The following P4HA3 variants were observed in gnomAD, a reference collection of about 807,000 sequenced individuals.
The protein encoded by P4HA3 is prolyl 4-hydroxylase subunit alpha-3.
Under a neutral mutation model 66.7 loss-of-function variants are expected in P4HA3, and 60 were observed. The observed-to-expected ratio is 0.90, with a 90% CI of 0.73 to 1.12. The LOEUF (loss-of-function observed/expected upper bound fraction) is 1.12, where lower values mean the gene tolerates loss of function less well. P4HA3 is among the 50% of genes most tolerant of loss of function. The pLI, the probability that P4HA3 is intolerant of heterozygous loss-of-function variation, is 0.00. For missense variants in P4HA3, 683 were observed against 685.8 expected (o/e 1.00, Z 0.05); for synonymous variants, 263 against 274.6 (o/e 0.96, Z 0.42).
intron 15 of P4HA3, chr11:74,252,411 C>G: frequency 6.6e-6 from 3 of 454,522 alleles, no homozygotes; most frequent in South Asian, 4.7e-5. Flanking sequence ...GCAGGGTTTT[C>G]TACAGTGTTG....
intron 4 of P4HA3, among the ~76,000 whole-genome samples, chr11:74,290,519 C>T (rs1860976466): frequency 6.6e-6 from 1 of 151,390 alleles, no homozygotes; most frequent in South Asian, 2.1e-4. Flanking sequence ...AGTCCTTGCC[C>T]ATGCCTATGT....
intron 4 of P4HA3, among the ~76,000 whole-genome samples, chr11:74,293,026 G>A (rs573034675): frequency 3.3e-5 from 5 of 152,206 alleles, no homozygotes; most frequent in Admixed American, 3.3e-4. Flanking sequence ...TCATTGATCT[G>A]TCTAATGTTG....
intron 9 of P4HA3, among the ~76,000 whole-genome samples, chr11:74,276,141 A>G (rs182049161): frequency 5.9e-5 from 9 of 152,324 alleles, no homozygotes; most frequent in Admixed American, 5.9e-4. Context: ...CAAACACTGG[A>G]AACTGCAAAA....
chr11:74,286,836 A>T (rs1230630186), intron 5 of P4HA3, among the ~76,000 whole-genome samples: 1 of 152,232 alleles, frequency 6.6e-6, no homozygotes, highest in African/African-American at 2.4e-5. Flanking sequence ...TCTAATGGAG[A>T]AAAAGGACAT....
intron 15 of P4HA3, among the ~76,000 whole-genome samples, chr11:74,252,703 G>A (rs1408032770): frequency 6.6e-6 from 1 of 152,140 alleles, no homozygotes; most frequent in African/African-American, 2.4e-5. Flanking sequence ...ACACGGTTTT[G>A]ACAAACAGAA....
chr11:74,261,073 G>A (rs892472154), intron 14 of P4HA3, among the ~76,000 whole-genome samples: 1 of 152,206 alleles, frequency 6.6e-6, no homozygotes, highest in Non-Finnish European at 1.5e-5. Flanking sequence ...GCATTCAGGG[G>A]TTCTTGAGCT....
chr11:74,280,178 G>A (rs1591103179), intron 7 of P4HA3, among the ~76,000 whole-genome samples: 1 of 152,034 alleles, frequency 6.6e-6, no homozygotes, highest in Non-Finnish European at 1.5e-5. Context: ...TTTAGAGACA[G>A]GGTCTTGCTC....
chr11:74,271,471 T>C (rs991336459), intron 10 of P4HA3, among the ~76,000 whole-genome samples: 1 of 151,890 alleles, frequency 6.6e-6, no homozygotes, highest in African/African-American at 2.4e-5. Flanking sequence ...GTAAGAACAG[T>C]GGGAAAGGGA....
At chr11:74,300,418 G>A (rs1476652480) in intron 3 of P4HA3, among the ~76,000 whole-genome samples, 1 of 152,040 alleles carries the variant, frequency 6.6e-6, no homozygotes, top group African/African-American at 2.4e-5. Context: ...ATCACTTGAG[G>A]CCAGGAGTTC....
At chr11:74,255,666 CTG>C (rs1859815010) in intron 15 of P4HA3, among the ~76,000 whole-genome samples, 1 of 152,206 alleles carries the variant, frequency 6.6e-6, no homozygotes, top group African/African-American at 2.4e-5. Context: ...TGTTATGACA[CTG>C]TTACATTGTT....
At chr11:74,286,533 A>G (rs954554560) in intron 5 of P4HA3, 142 bp from the exon 6 acceptor site, 1 of 680,796 alleles carries the variant, frequency 1.5e-6, no homozygotes, top group African/African-American at 1.8e-5. Flanking sequence ...GTCAACACAC[A>G]GGAGGATGCA....
chr11:74,285,683 G>A (rs1860768074), intron 7 of P4HA3, 126 bp downstream of exon 7: 1 of 1,011,876 alleles, frequency 9.9e-7, no homozygotes, highest in Admixed American at 2.3e-5. Context: ...TTATGGAATG[G>A]TTGGCATTCT....
At chr11:74,289,204 TA>T (rs11419151) in intron 4 of P4HA3, 74 bp from the exon 5 acceptor site, 31,723 of 858,928 alleles carry the variant, frequency 0.037, no homozygotes, top group South Asian at 0.044. Context: ...ACCATTAAAT[TA>T]AAAAAAAAAA....
chr11:74,251,945 G>A, intron 15 of P4HA3: 1 of 717,872 alleles, frequency 1.4e-6, no homozygotes, highest in South Asian at 1.4e-5. Flanking sequence ...ATTAAATTGT[G>A]CCTAGTCTCA....
chr11:74,277,037 A>T lies in P4HA3; in HGVS notation c.1283T>A (p.Val428Glu). The change falls in exon 9 of 13, where the codon GTG becomes GAG. Residue 428 changes from valine to glutamate, a missense_variant. Physicochemically the swap from Val to Glu is moderately radical, Grantham distance 121 (BLOSUM62 -2). Transcript: ENST00000331597. The stretch of plus-strand genomic sequence containing the variant: ...GTGTCCTCCGATGCCATAGTTCACC[A>T]CCTGCAGATACTCTGCATAGGGAGG... ...VRPPYAEYLQVVNYGIGGHYE... is the reference protein window; with the variant it reads ...VRPPYAEYLQEVNYGIGGHYE... The T allele has an allele frequency of 2.5e-6, 4 of 1,614,034 alleles. No individual in the cohort carries two copies. Among genetic ancestry groups the T allele is most frequent in the Non-Finnish European group, 3.4e-6 (4 of 1,179,972 alleles).
chr11:74,311,581 G>C lies in P4HA3; in HGVS notation c.31C>G (p.Leu11Val), dbSNP rs1189873257. 2 of 1,535,238 alleles carry C rather than the reference G, an allele frequency of 1.3e-6. No homozygotes were observed. Among genetic ancestry groups the C allele is most frequent in the Non-Finnish European group, 1.7e-6 (2 of 1,152,640 alleles). ...CCTGTCCCGAGCGCCAGCACCGCCAGCAGCGCCGCCAGCCGCGCCCCAGGA... is the reference window on the plus strand; with the variant it reads ...CCTGTCCCGAGCGCCAGCACCGCCACCAGCGCCGCCAGCCGCGCCCCAGGA... MGPGARLAAL[L>V]AVLALGTGDP... The change falls in exon 1 of 13, where the codon CTG becomes GTG. Residue 11 changes from leucine (L) to valine (V), a missense_variant. Leu to Val is a conservative substitution (Grantham distance 32, BLOSUM62 1). Transcript: ENST00000331597.
intron 7 of P4HA3, among the ~76,000 whole-genome samples, chr11:74,279,714 T>C (rs1321543177): frequency 1.3e-5 from 2 of 152,210 alleles, no homozygotes; most frequent in African/African-American, 4.8e-5. Context: ...CAATAAAAGT[T>C]TGCTGAGTTG....
At chr11:74,265,436 C>T (rs1055051665), downstream of P4HA3, among the ~76,000 whole-genome samples, 3 of 152,108 alleles carry the variant, frequency 2.0e-5, no homozygotes, top group South Asian at 2.1e-4. Context: ...TATGGGCTTG[C>T]GGGGAAGGGG....
At chr11:74,300,720 G>A (rs1861380824) in intron 3 of P4HA3, among the ~76,000 whole-genome samples, 1 of 152,108 alleles carries the variant, frequency 6.6e-6, no homozygotes. Context: ...TTGGCCACAT[G>A]TTGATAATTA....
Sources: gnomAD v4.1 joint callset for allele counts (sites outside exome capture counted in the v4.1 genomes callset) on GRCh38, gnomAD v4.1.1 for gene constraint, MANE v1.5 for transcripts, NCBI Gene and HGNC (gene_info 2026-07-23, HGNC 2026-07-21) for gene names.